PRPF4: variants seen among roughly 807,000 people sequenced by gnomAD.
The protein encoded by PRPF4 is pre-mRNA splicing tri-snRNP complex factor PRPF4, also known as U4/U6 small nuclear ribonucleoprotein Prp4.
PRPF4 carries 14 observed loss-of-function variants against 72.2 expected under a neutral mutation model. The observed-to-expected ratio is 0.19, with a 90% CI of 0.13 to 0.30. PRPF4 has a LOEUF of 0.30. Among genes scored for constraint, PRPF4 ranks in the 10% least tolerant of loss-of-function variants. The pLI, the probability that PRPF4 is intolerant of heterozygous loss-of-function variation, is 1.00. For missense variants in PRPF4, 478 were observed against 653.9 expected (o/e 0.73, Z 2.93); for synonymous variants, 225 against 232.2 (o/e 0.97, Z 0.28).
intron 1 of PRPF4, among the ~76,000 whole-genome samples, chr9:113,276,099 T>G (rs1488295667): frequency 6.6e-6 from 1 of 152,242 alleles, no homozygotes; most frequent in Non-Finnish European, 1.5e-5. Flanking sequence ...TGAGACCTAC[T>G]AACTCCTACT....
At chr9:113,286,910 A>G (rs1183886566) in intron 9 of PRPF4, 82 bp downstream of exon 9, 2 of 1,603,724 alleles carry the variant, frequency 1.2e-6, no homozygotes, top group East Asian at 2.2e-5. Flanking sequence ...CTCAGTAAAA[A>G]TCTGGCATTT....
intron 3 of PRPF4, among the ~76,000 whole-genome samples, chr9:113,281,695 T>C (rs751118959): frequency 1.3e-4 from 20 of 152,192 alleles, no homozygotes; most frequent in Non-Finnish European, 2.5e-4. Context: ...CTCCAGGCCT[T>C]ATTTGTTTAA....
At position 113,286,228 on chromosome 9, in the gene PRPF4, A is replaced by AT; in HGVS notation, c.750-3dup. ...GCTGAGATGCTTTCCTTTGTATTTG[A>AT]TAGGAGTGGGCTTTGCAAGCTCTGG... On this transcript the variant is annotated splice_region_variant and splice_polypyrimidine_tract_variant and intron_variant, in intron 7 of 13. Transcript: ENST00000374198. 1 of 1,613,988 alleles carries AT rather than the reference A, an allele frequency of 6.2e-7. No homozygotes were observed. Among genetic ancestry groups the AT allele is most frequent in the African/African-American group, 1.3e-5 (1 of 74,994 alleles).
intron 3 of PRPF4, among the ~76,000 whole-genome samples, chr9:113,280,669 G>A (rs988324592): frequency 6.6e-6 from 1 of 152,164 alleles, no homozygotes; most frequent in African/African-American, 2.4e-5. Context: ...CATACTTGGA[G>A]TAAAAAACTC....
At chr9:113,277,980 CAAA>C (rs543381831) in intron 2 of PRPF4, among the ~76,000 whole-genome samples, 1 of 146,472 alleles carries the variant, frequency 6.8e-6, no homozygotes, top group Non-Finnish European at 1.5e-5. Flanking sequence ...GACCCTGTCT[CAAA>C]AAAAAAAGTT....
At chr9:113,282,054 G>T (rs553667744) in intron 3 of PRPF4, among the ~76,000 whole-genome samples, 17 of 152,278 alleles carry the variant, frequency 1.1e-4, no homozygotes, top group Middle Eastern at 3.4e-3. Context: ...CAGTGTAGGG[G>T]CTCATTGACT....
intron 1 of PRPF4, 90 bp from the exon 2 acceptor site, chr9:113,276,456 CTG>C: frequency 1.5e-6 from 2 of 1,371,188 alleles, no homozygotes; most frequent in Non-Finnish European, 2.1e-6. Flanking sequence ...GGAAACAGGA[CTG>C]TGAAACTCAG....
intron 7 of PRPF4, among the ~76,000 whole-genome samples, chr9:113,285,036 G>C (rs2118621976): frequency 6.6e-6 from 1 of 152,032 alleles, no homozygotes; most frequent in South Asian, 2.1e-4. Flanking sequence ...ATGGGTTCAG[G>C]AGAAAGCCAA....
In PRPF4 at chr9:113,283,226, C is replaced by T; in HGVS notation, c.560+15C>T. ...TCGTTGCCCAGGTAAAGAGAGCCTC[C>T]AGTAGAAGAAAGAAGCATATTTTTT... On this transcript the variant is annotated intron_variant, in intron 5 of 13. Transcript: ENST00000374198. The T allele has an allele frequency of 6.2e-7, 1 of 1,614,134 alleles. No individual in the cohort carries two copies. The highest frequency in any genetic ancestry group is 8.5e-7 in the Non-Finnish European group (1 of 1,180,040).
chr9:113,277,414 C>T (rs967041993), intron 2 of PRPF4, among the ~76,000 whole-genome samples: 4 of 151,658 alleles, frequency 2.6e-5, no homozygotes, highest in Non-Finnish European at 5.9e-5. Flanking sequence ...GTGACAGGGT[C>T]TCACTCTCTT....
In PRPF4 at chr9:113,283,349, C is replaced by T. The variant is rs1472339450; in HGVS notation, c.561-40C>T. 4 of 1,613,582 alleles carry T rather than the reference C, an allele frequency of 2.5e-6. No homozygotes were observed. In the East Asian group the frequency reaches 8.9e-5, roughly 36 times the overall value. On this transcript the variant is annotated intron_variant, in intron 5 of 13. Coordinates refer to ENST00000374198, the MANE Select transcript of PRPF4 (RefSeq NM_001244926.2). ...AGGGATACATGTGGGTCCTTGTTTA[C>T]AACCCTGTTGCTCCTGGTGATGGTG...
At chr9:113,285,666 C>T (rs1258255732) in intron 7 of PRPF4, among the ~76,000 whole-genome samples, 3 of 151,750 alleles carry the variant, frequency 2.0e-5, no homozygotes, top group Non-Finnish European at 4.4e-5. Context: ...GTGTGAGCCA[C>T]AGCGCCTGGC....
At chr9:113,288,946 G>C (rs74627363) in intron 10 of PRPF4, among the ~76,000 whole-genome samples, 10,787 of 152,122 alleles carry the variant, frequency 0.071, 686 homozygotes, top group East Asian at 0.31. Flanking sequence ...GTACAATGCT[G>C]TCAGTCTTTA....
At chr9:113,284,505 A>G in intron 7 of PRPF4, 116 bp downstream of exon 7, 2 of 807,550 alleles carry the variant, frequency 2.5e-6, no homozygotes, top group Non-Finnish European at 4.1e-6. Context: ...TCTCATGATC[A>G]CACCAAACTA....
At chr9:113,285,452 C>T (rs1283095532) in intron 7 of PRPF4, among the ~76,000 whole-genome samples, 1 of 137,524 alleles carries the variant, frequency 7.3e-6, no homozygotes, top group African/African-American at 2.7e-5. Context: ...GATCTCGGCT[C>T]ACTGCAAGCT....
At chr9:113,289,066 A>G (rs1588018722) in intron 10 of PRPF4, among the ~76,000 whole-genome samples, 1 of 152,310 alleles carries the variant, frequency 6.6e-6, no homozygotes, top group African/African-American at 2.4e-5. Flanking sequence ...TTCTAAAGCA[A>G]CTGCTGATCT....
chr9:113,280,063 C>T (rs1832229725), intron 3 of PRPF4, among the ~76,000 whole-genome samples: 1 of 152,222 alleles, frequency 6.6e-6, no homozygotes, highest in African/African-American at 2.4e-5. Flanking sequence ...CTTCAACCTG[C>T]TGCAAACTGA....
intron 9 of PRPF4, among the ~76,000 whole-genome samples, chr9:113,287,646 A>C (rs1255285185): frequency 6.6e-6 from 1 of 152,228 alleles, no homozygotes; most frequent in Non-Finnish European, 1.5e-5. Context: ...CTCACTTAGG[A>C]GCGCAGTGAG....
chr9:113,286,968 C>T (rs1307940065), intron 9 of PRPF4, 140 bp downstream of exon 9: 4 of 1,267,046 alleles, frequency 3.2e-6, no homozygotes, highest in Non-Finnish European at 4.4e-6. Flanking sequence ...AGGAGAATTG[C>T]TTAAACCCGG....
Sources: gnomAD v4.1 joint callset for allele counts (sites outside exome capture counted in the v4.1 genomes callset) on GRCh38, gnomAD v4.1.1 for gene constraint, MANE v1.5 for transcripts, NCBI Gene and HGNC (gene_info 2026-07-23, HGNC 2026-07-21) for gene names.